Variants in BANK1 observed in about 807,000 individuals in gnomAD.
BANK1 encodes the protein B cell scaffold protein with ankyrin repeats 1, also known as B-cell scaffold protein with ankyrin repeats.
BANK1 carries 95 observed loss-of-function variants against 94.5 expected under a neutral mutation model. That is an observed-to-expected ratio of 1.00 (90% CI 0.85 to 1.19). The LOEUF (loss-of-function observed/expected upper bound fraction) is 1.19, where lower values mean the gene tolerates loss of function less well. Among genes scored for constraint, BANK1 ranks in the 50% most tolerant of loss-of-function variants. The pLI, the probability that BANK1 is intolerant of heterozygous loss-of-function variation, is 0.00. For synonymous variants in BANK1, 334 were observed against 308.4 expected (o/e 1.08, Z -0.87); for missense variants, 987 against 932.2 (o/e 1.06, Z -0.77).
At chr4:102,047,680 GT>G (rs1441212067) in intron 11 of BANK1, among the ~76,000 whole-genome samples, 5 of 152,020 alleles carry the variant, frequency 3.3e-5, no homozygotes. Context: ...CAATTACCAT[GT>G]TTTTAATTAA....
At chr4:101,967,164 G>A (rs1724794316) in intron 7 of BANK1, among the ~76,000 whole-genome samples, 1 of 152,044 alleles carries the variant, frequency 6.6e-6, no homozygotes. Flanking sequence ...TGGGAGTCAT[G>A]TTTTCTAAGC....
At chr4:101,912,666 C>A (rs943795376) in intron 6 of BANK1, among the ~76,000 whole-genome samples, 1 of 148,936 alleles carries the variant, frequency 6.7e-6, no homozygotes, top group Admixed American at 6.7e-5. Flanking sequence ...TAAATATTGG[C>A]AGGTCTGAAA....
intron 1 of BANK1, among the ~76,000 whole-genome samples, chr4:101,795,409 T>C (rs1308021732): frequency 6.6e-6 from 1 of 152,152 alleles, no homozygotes; most frequent in Non-Finnish European, 1.5e-5. Flanking sequence ...GTGAAACTTT[T>C]AAGTCACCAT....
intron 7 of BANK1, among the ~76,000 whole-genome samples, chr4:101,954,483 T>C (rs752922433): frequency 4.1e-4 from 62 of 152,068 alleles, no homozygotes; most frequent in Non-Finnish European, 7.9e-4. Flanking sequence ...TTAGTAGGCC[T>C]AGAAAAGGTG....
At chr4:101,936,147 C>T (rs1723524914) in intron 7 of BANK1, among the ~76,000 whole-genome samples, 1 of 150,492 alleles carries the variant, frequency 6.6e-6, no homozygotes, top group Admixed American at 6.6e-5. Flanking sequence ...GCAAACTGCT[C>T]ATCTGACAAG....
chr4:101,917,520 A>C (rs1722866934), intron 6 of BANK1, among the ~76,000 whole-genome samples: 1 of 151,934 alleles, frequency 6.6e-6, no homozygotes, highest in African/African-American at 2.4e-5. Context: ...TGAAAGAAAA[A>C]TTTTATATAG....
At chr4:101,852,469 G>GATATATATAT (rs1195239167) in intron 2 of BANK1, among the ~76,000 whole-genome samples, 27 of 54,090 alleles carry the variant, frequency 5.0e-4, no homozygotes, top group African/African-American at 1.6e-3. Flanking sequence ...ATATTTTTCG[G>GATATATATAT]CTATATATAT....
At chr4:101,870,407 A>G in intron 4 of BANK1, 98 bp from the exon 5 acceptor site, 1 of 1,139,382 alleles carries the variant, frequency 8.8e-7, no homozygotes, top group Non-Finnish European at 1.2e-6. Context: ...TAAAAGTGTT[A>G]TGAATTTTTA....
At chr4:101,982,864 T>C (rs992657365) in intron 7 of BANK1, among the ~76,000 whole-genome samples, 1 of 151,976 alleles carries the variant, frequency 6.6e-6, no homozygotes, top group Non-Finnish European at 1.5e-5. Flanking sequence ...ATAATTTTAT[T>C]CTAAGGCTAT....
chr4:101,951,558 A>T (rs1242381344), intron 7 of BANK1, among the ~76,000 whole-genome samples: 3 of 152,124 alleles, frequency 2.0e-5, no homozygotes, highest in Non-Finnish European at 4.4e-5. Flanking sequence ...CATTTTTGTA[A>T]TTCAAAGGAT....
intron 11 of BANK1, among the ~76,000 whole-genome samples, chr4:102,056,371 T>TA (rs1390640849): frequency 2.0e-5 from 3 of 151,882 alleles, no homozygotes; most frequent in Admixed American, 1.3e-4. Flanking sequence ...GTGGAAACAA[T>TA]AAAAAATCCC....
rs1261611458 is a variant in BANK1 at position 101,829,904 on chromosome 4, C to T, written c.167C>T (p.Ala56Val). ...EVFLHVVKRE[A>V]ILLYRLENFS... ...TTTTTACATGTTGTGAAAAGGGAAGCCATCCTGTTATATCGCTTGGAGAAT... is the reference window on the plus strand; with the variant it reads ...TTTTTACATGTTGTGAAAAGGGAAGTCATCCTGTTATATCGCTTGGAGAAT... The change falls in exon 2 of 17, where the codon GCC becomes GTC. Residue 56 changes from alanine (A) to valine (V), a missense_variant. Physicochemically the swap from Ala to Val is moderately conservative, Grantham distance 64. Coordinates refer to ENST00000322953, the MANE Select transcript of BANK1 (RefSeq NM_017935.5). The T allele has an allele frequency of 1.9e-6, 3 of 1,613,610 alleles. No homozygotes were observed. The highest frequency in any genetic ancestry group is 3.3e-5 in the Admixed American group (2 of 59,966).
intron 7 of BANK1, among the ~76,000 whole-genome samples, chr4:102,001,104 C>A (rs989078513): frequency 2.0e-5 from 3 of 152,172 alleles, no homozygotes; most frequent in Non-Finnish European, 4.4e-5. Flanking sequence ...GGGCATGCAG[C>A]AGCAGCAGTG....
intron 14 of BANK1, 119 bp from the exon 15 acceptor site, chr4:102,072,226 T>C: frequency 1.2e-6 from 1 of 826,194 alleles, no homozygotes. Context: ...ATCTTCCTAA[T>C]AATTTTTCTT....
chr4:102,007,146 T>TTATATATATATATATATATATATATATA (rs376933355), intron 7 of BANK1, among the ~76,000 whole-genome samples: 9 of 38,026 alleles, frequency 2.4e-4, no homozygotes, highest in South Asian at 6.0e-4. Flanking sequence ...AAAATATATT[T>TTATATATATATATATATATATATATATA]TATATATATA....
intron 6 of BANK1, among the ~76,000 whole-genome samples, chr4:101,907,909 CACAA>C (rs1255398427): frequency 6.6e-6 from 1 of 152,096 alleles, no homozygotes. Context: ...TAAAAGAGGA[CACAA>C]ACAAAGGGAA....
chr4:101,820,914 A>C (rs1726118282), intron 1 of BANK1, among the ~76,000 whole-genome samples: 1 of 151,870 alleles, frequency 6.6e-6, no homozygotes, highest in African/African-American at 2.4e-5. Context: ...TGCTATTGTG[A>C]ATTGTGCTGC....
At chr4:102,030,327 A>C in intron 10 of BANK1, 62 bp downstream of exon 10, 2 of 1,469,280 alleles carry the variant, frequency 1.4e-6, no homozygotes, top group Non-Finnish European at 1.8e-6. Flanking sequence ...TGAGGATGGG[A>C]GGAGGGGATA....
intron 5 of BANK1, among the ~76,000 whole-genome samples, chr4:101,879,966 A>C (rs1356684705): frequency 6.6e-6 from 1 of 152,098 alleles, no homozygotes; most frequent in Non-Finnish European, 1.5e-5. Flanking sequence ...ATGTATGACA[A>C]ACCTACAGCT....
Sources: gnomAD v4.1 joint callset for allele counts (sites outside exome capture counted in the v4.1 genomes callset) on GRCh38, gnomAD v4.1.1 for gene constraint, MANE v1.5 for transcripts, NCBI Gene and HGNC (gene_info 2026-07-23, HGNC 2026-07-21) for gene names.